Variants in MAPK15 observed in about 807,000 individuals in gnomAD.
The protein encoded by MAPK15 is mitogen-activated protein kinase 15.
Under a neutral mutation model 60.8 loss-of-function variants are expected in MAPK15, and 61 were observed. The observed-to-expected ratio is 1.00, with a 90% confidence interval of 0.82 to 1.24. The LOEUF (loss-of-function observed/expected upper bound fraction) is 1.24, where lower values mean the gene tolerates loss of function less well. Among genes scored for constraint, MAPK15 ranks in the 50% most tolerant of loss-of-function variants. The pLI, the probability that MAPK15 is intolerant of heterozygous loss-of-function variation, is 0.00. For synonymous variants in MAPK15, 356 were observed against 319.9 expected (o/e 1.11, Z -1.21); for missense variants, 808 against 741.1 (o/e 1.09, Z -1.05).
At position 143,720,918 on chromosome 8, in the gene MAPK15, C is replaced by T. The variant is rs1818032034; in HGVS notation, c.917+78C>T. The T allele has an allele frequency of 6.3e-7, 1 of 1,581,618 alleles. No homozygotes were observed. Among genetic ancestry groups the T allele is most frequent in the Non-Finnish European group, 8.6e-7 (1 of 1,163,060 alleles). On this transcript the variant is annotated intron_variant, in intron 9 of 13. Coordinates refer to ENST00000338033, the MANE Select transcript of MAPK15 (RefSeq NM_139021.3). The surrounding 1 kb of genome is among the most constrained non-coding windows in gnomAD (Gnocchi z 4.6). ...AGAGAGCCAGCCCATGAGGGACAGC[C>T]CCCACAGCAGGGACCCTGCTGTGAC...
chr8:143,722,240 C>A lies in MAPK15; in HGVS notation c.1624C>A (p.His542Asn). The A allele has an allele frequency of 6.3e-7, 1 of 1,586,104 alleles. No individual in the cohort carries two copies. The stretch of plus-strand genomic sequence containing the variant: ...GGGCCACCTGCCCCTGCTGGAGGGG[C>A]ACCATGTGTGAGCCGCCCTACTCCC... ...ALGHLPLLEG[H>N]HV The change falls in exon 14 of 14, where the codon CAC (histidine) becomes AAC (asparagine). Residue 542 changes from histidine to asparagine, a missense_variant. Physicochemically the swap from His to Asn is moderately conservative, Grantham distance 68. Coordinates refer to ENST00000338033, the MANE Select transcript of MAPK15 (RefSeq NM_139021.3).
At chr8:143,718,150 C>T in intron 3 of MAPK15, 62 bp from the exon 4 acceptor site, 1 of 1,613,248 alleles carries the variant, frequency 6.2e-7, no homozygotes, top group Admixed American at 1.7e-5. Context: ...AGAAACTGGC[C>T]TTCTTGGGCC....
At chr8:143,718,966 G>A in intron 5 of MAPK15, 27 bp from the exon 6 acceptor site, 2 of 1,601,242 alleles carry the variant, frequency 1.2e-6, no homozygotes, top group South Asian at 1.1e-5. Flanking sequence ...CCCAGCCCCG[G>A]GGCCTCAGCC....
Position 143,719,329 on chromosome 8 carries a change from G to C in MAPK15, c.582-14G>C, listed in dbSNP as rs373560323. 1.3e-6 allele frequency: 2 copies of C among 1,584,928 alleles called. No homozygotes were observed. Among genetic ancestry groups the C allele is most frequent in the South Asian group, 2.3e-5 (2 of 87,230 alleles). On this transcript the variant is annotated splice_polypyrimidine_tract_variant and intron_variant, in intron 6 of 13. Coordinates refer to ENST00000338033, the MANE Select transcript of MAPK15 (RefSeq NM_139021.3). ...CTCTGGGTCTCTCCATGCCTACACCGCTTCCTGCCCCAGATACACCCTTGG... is the reference window on the plus strand; with the variant it reads ...CTCTGGGTCTCTCCATGCCTACACCCCTTCCTGCCCCAGATACACCCTTGG...
In MAPK15 at chr8:143,720,551, C is replaced by G; in HGVS notation, c.780-152C>G. 1 of 1,468,518 alleles carries G rather than the reference C, an allele frequency of 6.8e-7. No individual in the cohort carries two copies. Among genetic ancestry groups the G allele is most frequent in the South Asian group, 1.4e-5 (1 of 70,788 alleles). The allele number at this position is 1,468,518 out of a possible 1,614,324, so 91.0% of individuals were successfully genotyped here. ...CAGGGGTCTCTCCACCCTGCAGGGG[C>G]CCAGACTGCCTGCAGGTCAGGCACA... On this transcript the variant is annotated intron_variant, in intron 8 of 13. Transcript: ENST00000338033. The surrounding 1 kb of genome is among the most constrained non-coding windows in gnomAD (Gnocchi z 4.6).
At chr8:143,718,709 TCCCACTCCCCCCAGGTTGCCCCCCCAGC>T in intron 4 of MAPK15, 38 bp from the exon 5 acceptor site, 2 of 1,176,380 alleles carry the variant, frequency 1.7e-6, no homozygotes, top group Non-Finnish European at 2.4e-6. Context: ...GGTGCCCCTC[TCCCACTCCCCCCAGGTTGCCCCCCCAGC>T]CCCCCACCCC....
In MAPK15 at chr8:143,721,654, C is replaced by T. The variant is rs782055895; in HGVS notation, c.1310C>T (p.Pro437Leu). 2 of 1,608,704 alleles carry T rather than the reference C, an allele frequency of 1.2e-6. No homozygotes were observed. Among genetic ancestry groups the T allele is most frequent in the African/African-American group, 1.3e-5 (1 of 74,786 alleles). ...GERPPGAKEAPPLTLSLVKPS... is the reference protein window; with the variant it reads ...GERPPGAKEALPLTLSLVKPS... The stretch of plus-strand genomic sequence containing the variant: ...AGGCCCCCTGGGGCGAAGGAAGCGC[C>T]CCCCTTGACACTCTCGCTGGTAAGT... Residue 437 changes from proline to leucine, a missense_variant, in exon 12 of 14, where the codon CCC (proline) becomes CTC (leucine). Coordinates refer to ENST00000338033, the MANE Select transcript of MAPK15 (RefSeq NM_139021.3).
intron 4 of MAPK15, 43 bp from the exon 5 acceptor site, chr8:143,718,732 C>CA (rs1367406879): frequency 1.6e-5 from 15 of 955,414 alleles, no homozygotes; most frequent in Non-Finnish European, 1.7e-5. Flanking sequence ...AGGTTGCCCC[C>CA]CCAGCCCCCC....
chr8:143,716,518 C>T (rs1225862686), intron 1 of MAPK15, 75 bp downstream of exon 1: 14 of 1,408,990 alleles, frequency 9.9e-6, no homozygotes, highest in Non-Finnish European at 1.3e-5. Context: ...GGGGCGCGGC[C>T]GGTCCCCTCG....
At chr8:143,718,961 C>T (rs1279251749) in intron 5 of MAPK15, 32 bp from the exon 6 acceptor site, 1 of 1,599,904 alleles carries the variant, frequency 6.3e-7, no homozygotes. Flanking sequence ...CCCCACCCAG[C>T]CCCGGGGCCT....
chr8:143,720,696 C>G lies in MAPK15; in HGVS notation c.780-7C>G. The G allele has an allele frequency of 6.2e-7, 1 of 1,609,016 alleles. No homozygotes were observed. The highest frequency in any genetic ancestry group is 8.5e-7 in the Non-Finnish European group (1 of 1,178,062). ...GGGCCCTGGAGACGACACACGGCAG[C>G]CCACAGGCCACGACAGACGCTGGAT... On this transcript the variant is annotated splice_polypyrimidine_tract_variant and splice_region_variant and intron_variant, in intron 8 of 13. Transcript: ENST00000338033. The surrounding 1 kb of genome is among the most constrained non-coding windows in gnomAD (Gnocchi z 4.6).
Position 143,722,150 on chromosome 8 carries a change from G to A in MAPK15, c.1534G>A (p.Gly512Arg), listed in dbSNP as rs782585619. ...CACCTCTGCCTTGCAGGGTGCCCAG[G>A]GGGGTGCCAGGGCTTTGCTTGGAGG... ...FSTSALQGAQGGARALLGGYS... is the reference protein window; with the variant it reads ...FSTSALQGAQRGARALLGGYS... Residue 512 changes from glycine (G) to arginine (R), a missense_variant, in exon 14 of 14, where the codon GGG becomes AGG. Gly to Arg is a moderately radical substitution (Grantham distance 125, BLOSUM62 -2). Coordinates refer to ENST00000338033, the MANE Select transcript of MAPK15 (RefSeq NM_139021.3). 6.8e-6 allele frequency: 11 copies of A among 1,611,522 alleles called. No individual in the cohort carries two copies. The highest frequency in any genetic ancestry group is 1.1e-5 in the South Asian group (1 of 90,972).
In MAPK15 at chr8:143,722,121, TCAG is replaced by T. The variant is rs1563753271; in HGVS notation, c.1508_1510del (p.Ser503del). On this transcript the variant is annotated inframe_deletion, in exon 14 of 14. Transcript: ENST00000338033. ...GAGGCCCGGCCCGGCCGGAGGATGT[TCAG>T]CACCTCTGCCTTGCAGGGTGCCCAG... 6.2e-7 allele frequency: 1 copy of T among 1,612,628 alleles called. No homozygotes were observed. Among genetic ancestry groups the T allele is most frequent in the South Asian group, 1.1e-5 (1 of 91,054 alleles).
At position 143,720,578 on chromosome 8, in the gene MAPK15, G is replaced by T. The variant is rs1014307333; in HGVS notation, c.780-125G>T. ...CAGACTGCCTGCAGGTCAGGCACAG[G>T]GGCATCTACCTAGACAGGACAGCAG... is the stretch of plus-strand genomic sequence containing the variant. On this transcript the variant is annotated intron_variant, in intron 8 of 13. Coordinates refer to ENST00000338033, the MANE Select transcript of MAPK15 (RefSeq NM_139021.3). The surrounding 1 kb of genome is among the most constrained non-coding windows in gnomAD (Gnocchi z 4.6). 7.4e-6 allele frequency: 11 copies of T among 1,482,050 alleles called. No individual in the cohort carries two copies. The highest frequency in any genetic ancestry group is 9.9e-6 in the Non-Finnish European group (11 of 1,112,022). The allele number at this position is 1,482,050 out of a possible 1,614,324, so 91.8% of individuals were successfully genotyped here.
chr8:143,721,847 G>T lies in MAPK15; in HGVS notation c.1425G>T (p.Arg475=), dbSNP rs560383198. 3 of 1,605,948 alleles carry T rather than the reference G, an allele frequency of 1.9e-6. No homozygotes were observed. The South Asian group carries it at 3.3e-5, about 18-fold the overall frequency. The change falls in exon 13 of 14, where the codon CGG becomes CGT. Residue 475 remains arginine (R), a synonymous_variant. Transcript: ENST00000338033. ...NQALIRGDWN[R]GGGVRVASVQ... is the part of the protein sequence containing the mutation. ...CCCTGATCCGGGGTGACTGGAACCG[G>T]GGCGGTGGGGTGAGGGTGGCCAGCG...
Position 143,719,029 on chromosome 8 carries a change from A to C in MAPK15, c.454A>C (p.Lys152Gln). Residue 152 changes from lysine (K) to glutamine (Q), a missense_variant, in exon 6 of 14, where the codon AAG becomes CAG. By Grantham distance (53) the Lys-to-Gln change is moderately conservative. Coordinates refer to ENST00000338033, the MANE Select transcript of MAPK15 (RefSeq NM_139021.3). ...NVLLDANCTVKLCDFGLARSL... is the reference protein window; with the variant it reads ...NVLLDANCTVQLCDFGLARSL... Reference sequence around the variant, plus strand: ...GCTCCTGGATGCCAACTGCACAGTGAAGCTGTGTGACTTTGGCCTGGCCCG... The same window carrying C: ...GCTCCTGGATGCCAACTGCACAGTGCAGCTGTGTGACTTTGGCCTGGCCCG... 6.2e-7 allele frequency: 1 copy of C among 1,604,502 alleles called. No individual in the cohort carries two copies. The highest frequency in any genetic ancestry group is 8.5e-7 in the Non-Finnish European group (1 of 1,176,178).
rs782185635 is a variant in MAPK15 at position 143,716,436 on chromosome 8, G to A, written c.59G>A (p.Gly20Glu). The A allele has an allele frequency of 5.0e-6, 8 of 1,603,354 alleles. No homozygotes were observed. The Admixed American group carries it at 6.8e-5, about 14-fold the overall frequency. The change falls in exon 1 of 14, where the codon GGG (glycine) becomes GAG (glutamate). Residue 20 changes from glycine (G) to glutamate (E), a missense_variant. Transcript: ENST00000338033. ...AGATACCTACTCAGGCGGCAGCTCG[G>A]GCAGGGGGTGAGTGCCTGGGGGTGC... ...VRRYLLRRQL[G>E]QGAYGIVWKA...
chr8:143,720,628 G>A lies in MAPK15; in HGVS notation c.780-75G>A. On this transcript the variant is annotated intron_variant, in intron 8 of 13. Transcript: ENST00000338033. This position sits in a 1 kb window ranked among gnomAD's most constrained non-coding sequence, Gnocchi z 4.6. Reference sequence around the variant, plus strand: ...GGGTGGACCCCAGTTTGGAAGCTGAGCCCCCAGCCACGAACATGGATCTGA... The same window carrying A: ...GGGTGGACCCCAGTTTGGAAGCTGAACCCCCAGCCACGAACATGGATCTGA... The A allele has an allele frequency of 6.5e-7, 1 of 1,539,556 alleles. No individual in the cohort carries two copies.
Position 143,720,170 on chromosome 8 carries a change from G to A in MAPK15, c.722-60G>A. The stretch of plus-strand genomic sequence containing the variant: ...CTGGAAGAGATGACTGGCCCCAGAT[G>A]CCCTGAGCCGCCCCAGCCGACCAGG... On this transcript the variant is annotated intron_variant, in intron 7 of 13. Coordinates refer to ENST00000338033, the MANE Select transcript of MAPK15 (RefSeq NM_139021.3). The surrounding 1 kb of genome is among the most constrained non-coding windows in gnomAD (Gnocchi z 4.6). 3 of 1,540,580 alleles carry A rather than the reference G, an allele frequency of 1.9e-6. No homozygotes were observed. The highest frequency in any genetic ancestry group is 2.6e-6 in the Non-Finnish European group (3 of 1,146,310).
Sources: allele counts gnomAD v4.1 joint callset, GRCh38; gene constraint gnomAD v4.1.1; non-coding constraint Gnocchi (gnomAD v3.1); transcripts MANE v1.5; gene names NCBI Gene and HGNC (gene_info 2026-07-23, HGNC 2026-07-21).